Variants in PDE3A observed in about 807,000 individuals in gnomAD.
PDE3A encodes cGMP-inhibited 3',5'-cyclic phosphodiesterase 3A.
PDE3A carries 43 observed loss-of-function variants against 98.3 expected under a neutral mutation model. The observed-to-expected ratio is 0.44, with a 90% CI of 0.34 to 0.56. The LOEUF (loss-of-function observed/expected upper bound fraction) is 0.56, where lower values mean the gene tolerates loss of function less well. PDE3A is among the 20% of genes least tolerant of loss of function. The probability of loss-of-function intolerance (pLI) is 0.01; values close to 1 mark genes in which losing one functional copy is unlikely to be tolerated. For missense variants in PDE3A, 1,427 were observed against 1,440.7 expected, an observed-to-expected ratio of 0.99 and a Z score of 0.15; for synonymous variants, 663 against 567.9, an observed-to-expected ratio of 1.17 and a Z score of -2.38.
chr12:20,397,579 A>C (rs944418379), intron 1 of PDE3A, among the ~76,000 whole-genome samples: 1 of 152,106 alleles, frequency 6.6e-6, no homozygotes, highest in Admixed American at 6.6e-5. Context: ...TATATGTTCA[A>C]GTTAATATAG....
chr12:20,639,698 A>G, intron 9 of PDE3A, 148 bp from the exon 10 acceptor site: 2 of 502,138 alleles, frequency 4.0e-6, no homozygotes, highest in Non-Finnish European at 7.2e-6. Flanking sequence ...GATGACTATC[A>G]TTTTAACCAA....
chr12:20,616,037 A>T (rs1943996833), intron 3 of PDE3A, among the ~76,000 whole-genome samples, 193 bp from the exon 4 acceptor site: 1 of 152,060 alleles, frequency 6.6e-6, no homozygotes. Flanking sequence ...TATTTTTATA[A>T]TATGCATTCA....
chr12:20,682,902 A>G lies in PDE3A; in HGVS notation c.*2631A>G, dbSNP rs923500062. The G allele has an allele frequency of 1.3e-5, 2 of 152,188 alleles. No homozygotes were observed. The highest frequency in any genetic ancestry group is 4.8e-5 in the African/African-American group (2 of 41,440). The allele number at this position is 152,188 out of a possible 1,614,324, so 9.4% of individuals were successfully genotyped here. A position where few individuals can be genotyped will look rare whatever the true frequency, so the allele number is the denominator to read the frequency against. On this transcript the variant is annotated 3_prime_UTR_variant, in exon 16 of 16. Transcript: ENST00000359062. ...TGGAAGTCCATCACAGTCTATTGAC[A>G]GTTTCATCAAAGCTGTATAGTCCAA... is the stretch of plus-strand genomic sequence containing the variant.
intron 15 of PDE3A, among the ~76,000 whole-genome samples, chr12:20,659,000 T>C (rs1283359063): frequency 6.6e-6 from 1 of 152,104 alleles, no homozygotes; most frequent in Non-Finnish European, 1.5e-5. Flanking sequence ...ACATAGCACA[T>C]GTATTTCAGT....
rs192792331 is a variant in PDE3A, at chr12:20,497,550, G to A, written c.961-59110G>A. On this transcript the variant is annotated intron_variant, in intron 1 of 15. Transcript: ENST00000359062. ...GCCCTAAAAAAAAAAACAGGATCAT[G>A]AGAAAACATAATAATTCTAACCAAA... Among the ~76,000 whole-genome samples the A allele has an allele frequency of 1.5e-4, 23 of 150,542 alleles. No individual in the cohort carries two copies. The East Asian group carries it at 4.5e-3, about 29-fold the overall frequency.
intron 2 of PDE3A, among the ~76,000 whole-genome samples, chr12:20,602,212 A>ATATC (rs1351939675): frequency 6.6e-6 from 1 of 152,218 alleles, no homozygotes; most frequent in Non-Finnish European, 1.5e-5. Flanking sequence ...TGAATTTATT[A>ATATC]TATCTTTGCC....
At position 20,667,365 on chromosome 12, in the gene PDE3A, T is replaced by C. The variant is rs1335553479; in HGVS notation, c.3185-12665T>C. Among the ~76,000 whole-genome samples the C allele has an allele frequency of 2.0e-5, 3 of 152,196 alleles. 1 individual carries two copies. Among genetic ancestry groups the C allele is most frequent in the African/African-American group, 7.2e-5 (3 of 41,472 alleles). The stretch of plus-strand genomic sequence containing the variant: ...AATCTTTGCTTAGGTCAATGTCCTA[T>C]AGAACTTCCCTTATGTTGTCTTCTA... On this transcript the variant is annotated intron_variant, in intron 15 of 15. Coordinates refer to ENST00000359062, the MANE Select transcript of PDE3A (RefSeq NM_000921.5).
intron 2 of PDE3A, among the ~76,000 whole-genome samples, chr12:20,605,005 G>T (rs1183373134): frequency 6.6e-6 from 1 of 152,088 alleles, no homozygotes; most frequent in Non-Finnish European, 1.5e-5. Context: ...CTTTATAGTT[G>T]TATCTCCCCT....
At chr12:20,551,727 T>C (rs1243143173) in intron 1 of PDE3A, 1 of 1,613,844 alleles carries the variant, frequency 6.2e-7, no homozygotes, top group Non-Finnish European at 8.5e-7. Flanking sequence ...GCCGGAATGA[T>C]GCCAGCGAGG....
At chr12:20,424,614 T>C (rs1944574668) in intron 1 of PDE3A, among the ~76,000 whole-genome samples, 1 of 152,192 alleles carries the variant, frequency 6.6e-6, no homozygotes, top group South Asian at 2.1e-4. Context: ...TGTAGAATGA[T>C]GTTTACACCT....
intron 1 of PDE3A, among the ~76,000 whole-genome samples, chr12:20,548,937 T>C (rs1264146812): frequency 6.6e-6 from 1 of 152,148 alleles, no homozygotes; most frequent in East Asian, 1.9e-4. Flanking sequence ...GTGCAAGCTG[T>C]CTTCTTTACT....
chr12:20,407,793 A>G (rs1591898173), intron 1 of PDE3A, among the ~76,000 whole-genome samples: 1 of 152,180 alleles, frequency 6.6e-6, no homozygotes, highest in East Asian at 1.9e-4. Context: ...ATAGCATATT[A>G]CATATCTATA....
intron 8 of PDE3A, among the ~76,000 whole-genome samples, chr12:20,635,265 C>CA (rs1377508891): frequency 1.3e-5 from 2 of 151,860 alleles, no homozygotes; most frequent in African/African-American, 4.8e-5. Flanking sequence ...AATAAAAATA[C>CA]AAAAAAATTA....
At chr12:20,592,130 C>A (rs538408862) in intron 2 of PDE3A, among the ~76,000 whole-genome samples, 1 of 152,180 alleles carries the variant, frequency 6.6e-6, no homozygotes, top group South Asian at 2.1e-4. Context: ...AGGTAGGTTA[C>A]ATTACTGAAA....
At chr12:20,415,625 C>A in intron 1 of PDE3A, among the ~76,000 whole-genome samples, 1 of 152,090 alleles carries the variant, frequency 6.6e-6, no homozygotes, top group South Asian at 2.1e-4. Context: ...TTAGTAGAGA[C>A]GGGGTTTCAC....
chr12:20,373,742 A>G (rs1943522207), intron 1 of PDE3A, among the ~76,000 whole-genome samples: 1 of 152,130 alleles, frequency 6.6e-6, no homozygotes. Flanking sequence ...GATGGATACA[A>G]CATCATCCAT....
intron 2 of PDE3A, chr12:20,571,977 C>G: frequency 9.4e-7 from 1 of 1,066,690 alleles, no homozygotes; most frequent in Non-Finnish European, 1.1e-6. Context: ...TTCATTTAAC[C>G]TACTTCACTA....
intron 2 of PDE3A, among the ~76,000 whole-genome samples, chr12:20,602,706 G>GA (rs140524687): frequency 0.015 from 2,325 of 152,134 alleles, 76 homozygotes; most frequent in African/African-American, 0.053. Context: ...TTATCTTAAG[G>GA]AAAAAATCCA....
chr12:20,541,777 T>G, intron 1 of PDE3A, among the ~76,000 whole-genome samples: 1 of 152,086 alleles, frequency 6.6e-6, no homozygotes, highest in East Asian at 1.9e-4. Flanking sequence ...TGAAATTACT[T>G]TCAACATATC....
Sources: gnomAD v4.1 joint callset for allele counts (sites outside exome capture counted in the v4.1 genomes callset) on GRCh38, gnomAD v4.1.1 for gene constraint, MANE v1.5 for transcripts, NCBI Gene and HGNC (gene_info 2026-07-23, HGNC 2026-07-21) for gene names.